The following SLC38A12 variants were observed in gnomAD, a reference collection of about 807,000 sequenced individuals.
SLC38A12 encodes the protein putative sodium-coupled neutral amino acid transporter 12.
the SLC38A12 span, chr17:74,794,864 CA>C: frequency 1.5e-6 from 1 of 667,900 alleles, no homozygotes; most frequent in African/African-American, 1.8e-5. Context: ...ACTTTGGGGT[CA>C]TTTTCCCACT....
the SLC38A12 span, among the ~76,000 whole-genome samples, chr17:74,779,725 G>A: frequency 6.6e-6 from 1 of 152,232 alleles, no homozygotes; most frequent in South Asian, 2.1e-4. Flanking sequence ...AAGACACGGG[G>A]CAGGTCATTC....
At chr17:74,779,740 G>A in the SLC38A12 span, among the ~76,000 whole-genome samples, 5 of 152,342 alleles carry the variant, frequency 3.3e-5, no homozygotes, top group East Asian at 1.9e-4. Context: ...TCATTCATAC[G>A]TGTGCTTCAG....
the SLC38A12 span, among the ~76,000 whole-genome samples, chr17:74,789,632 G>C: frequency 8.0e-5 from 12 of 150,402 alleles, no homozygotes; most frequent in South Asian, 2.1e-4. Flanking sequence ...GATCACCTGA[G>C]GTCAGGAGTT....
the SLC38A12 span, among the ~76,000 whole-genome samples, chr17:74,821,016 G>A: frequency 6.6e-6 from 1 of 152,212 alleles, no homozygotes; most frequent in Non-Finnish European, 1.5e-5. Context: ...CAGTCAGGTA[G>A]CCCCGCCTCG....
chr17:74,791,128 C>CA, the SLC38A12 span: 1 of 1,134,032 alleles, frequency 8.8e-7, no homozygotes, highest in African/African-American at 1.5e-5. Context: ...TCCACCCTGA[C>CA]AGCCAGACCA....
chr17:74,782,069 A>G, the SLC38A12 span, among the ~76,000 whole-genome samples: 6 of 152,102 alleles, frequency 3.9e-5, no homozygotes, highest in African/African-American at 1.4e-4. Context: ...TGTTTGCTTC[A>G]TAACGCCTCT....
the SLC38A12 span, chr17:74,788,971 C>G: frequency 9.4e-7 from 1 of 1,059,200 alleles, no homozygotes; most frequent in Non-Finnish European, 1.4e-6. Flanking sequence ...GCATGGCGGG[C>G]TCTGTCCACG....
chr17:74,779,560 C>G, the SLC38A12 span, among the ~76,000 whole-genome samples: 1 of 152,210 alleles, frequency 6.6e-6, no homozygotes, highest in Non-Finnish European at 1.5e-5. Context: ...TGGAACAATT[C>G]TTGGTCCTCT....
At chr17:74,789,037 A>T in the SLC38A12 span, among the ~76,000 whole-genome samples, 1 of 152,158 alleles carries the variant, frequency 6.6e-6, no homozygotes, top group East Asian at 1.9e-4. Flanking sequence ...CCTAAATCTT[A>T]AAGCACAAAT....
the SLC38A12 span, among the ~76,000 whole-genome samples, chr17:74,832,179 CCCTCCCTT>C: frequency 6.6e-5 from 10 of 152,162 alleles, no homozygotes; most frequent in Non-Finnish European, 1.2e-4. Flanking sequence ...TCCCCTCTGT[CCCTCCCTT>C]CCTCCCTTCC....
the SLC38A12 span, among the ~76,000 whole-genome samples, chr17:74,788,596 G>A: frequency 1.3e-5 from 2 of 152,270 alleles, no homozygotes; most frequent in East Asian, 1.9e-4. Context: ...CCGGAAATAC[G>A]TTCTCACTAT....
At chr17:74,819,411 G>A in the SLC38A12 span, among the ~76,000 whole-genome samples, 4 of 152,214 alleles carry the variant, frequency 2.6e-5, no homozygotes, top group East Asian at 1.9e-4. Flanking sequence ...TGGGCAGTTC[G>A]AGGGTGGGCA....
At chr17:74,834,814 G>T in the SLC38A12 span, among the ~76,000 whole-genome samples, 1 of 152,264 alleles carries the variant, frequency 6.6e-6, no homozygotes, top group Admixed American at 6.5e-5. Context: ...TCTGAACAGA[G>T]AGAGCAGGGC....
chr17:74,806,346 C>G, the SLC38A12 span, among the ~76,000 whole-genome samples: 5 of 152,148 alleles, frequency 3.3e-5, no homozygotes, highest in Non-Finnish European at 7.3e-5. Flanking sequence ...CCCGGCTAAC[C>G]CAGACCCAGC....
the SLC38A12 span, among the ~76,000 whole-genome samples, chr17:74,783,549 G>A: frequency 6.6e-6 from 1 of 151,986 alleles, no homozygotes; most frequent in Non-Finnish European, 1.5e-5. Context: ...TTCAGGTACT[G>A]CAGGCAGAGC....
the SLC38A12 span, among the ~76,000 whole-genome samples, chr17:74,824,859 C>G: frequency 6.6e-6 from 1 of 152,302 alleles, no homozygotes; most frequent in East Asian, 1.9e-4. Context: ...ATTTGTTTTC[C>G]AAGCCGACAG....
the SLC38A12 span, among the ~76,000 whole-genome samples, chr17:74,821,299 C>T: frequency 6.6e-6 from 1 of 152,218 alleles, no homozygotes; most frequent in African/African-American, 2.4e-5. Context: ...CAAGCTGACA[C>T]GAGGGAGCGG....
At chr17:74,837,323 C>G in the SLC38A12 span, 2 of 985,414 alleles carry the variant, frequency 2.0e-6, no homozygotes, top group Non-Finnish European at 2.4e-6. Flanking sequence ...TGCGAGGGCC[C>G]TCGCTGTGGG....
At chr17:74,797,005 G>T in the SLC38A12 span, among the ~76,000 whole-genome samples, 9 of 152,158 alleles carry the variant, frequency 5.9e-5, no homozygotes, top group Admixed American at 1.3e-4. Context: ...TGAGCGGCTC[G>T]CACAGACATG....
Sources: allele counts gnomAD v4.1 joint callset (sites outside exome capture counted in the v4.1 genomes callset), GRCh38; gene constraint gnomAD v4.1.1; transcripts MANE v1.5; gene names NCBI Gene and HGNC (gene_info 2026-07-23, HGNC 2026-07-21).